Variants in NT5C3A observed in about 807,000 individuals in gnomAD.
NT5C3A encodes the protein cytosolic 5'-nucleotidase 3A.
A neutral mutation model predicts 40.0 loss-of-function variants in NT5C3A; 23 were observed. The ratio of observed to expected loss-of-function variants is 0.58; its 90% CI spans 0.41 to 0.81. NT5C3A has a LOEUF of 0.81. Ranked by LOEUF, NT5C3A falls within the 40% of genes least tolerant of loss-of-function variation. The pLI is 0.00. For missense variants in NT5C3A, 328 were observed against 403.0 expected (o/e 0.81, Z 1.59); for synonymous variants, 130 against 141.4 (o/e 0.92, Z 0.57).
chr7:33,037,869 C>T (rs1786694824), intron 1 of NT5C3A, among the ~76,000 whole-genome samples: 2 of 152,196 alleles, frequency 1.3e-5, no homozygotes, highest in African/African-American at 2.4e-5. Context: ...AACATTTGAT[C>T]ACCACCCTCA....
At chr7:33,051,837 T>C (rs1340753143) in intron 1 of NT5C3A, among the ~76,000 whole-genome samples, 1 of 152,214 alleles carries the variant, frequency 6.6e-6, no homozygotes. Context: ...AAATTGCAAA[T>C]ATCTTATACT....
intron 1 of NT5C3A, among the ~76,000 whole-genome samples, chr7:33,051,608 G>T (rs1787371673): frequency 6.6e-6 from 1 of 152,080 alleles, no homozygotes; most frequent in Non-Finnish European, 1.5e-5. Flanking sequence ...TTTCACCTCT[G>T]CAATCCATCT....
rs758683421 is a variant in NT5C3A at position 33,062,591 on chromosome 7, G to T, written c.115C>A (p.Arg39=). The change falls in exon 1 of 9, where the codon CGG becomes AGG. Residue 39 remains arginine (R), a synonymous_variant. Coordinates refer to ENST00000610140, the MANE Select transcript of NT5C3A (RefSeq NM_001002010.5). The part of the protein sequence containing the change: ...YIFTLKRKTG[R]KTKIIEMMPE... ...ACCATCTCGATGATCTTGGTCTTCCGCCCCGTCTTCCTCTTCAAGGTGAAT... is the reference window on the plus strand; with the variant it reads ...ACCATCTCGATGATCTTGGTCTTCCTCCCCGTCTTCCTCTTCAAGGTGAAT... 5.0e-6 allele frequency: 8 copies of T among 1,609,972 alleles called. No homozygotes were observed. Among genetic ancestry groups the T allele is most frequent in the Non-Finnish European group, 6.8e-6 (8 of 1,178,932 alleles).
At chr7:33,055,287 T>C (rs1787526569) in intron 1 of NT5C3A, among the ~76,000 whole-genome samples, 1 of 151,546 alleles carries the variant, frequency 6.6e-6, no homozygotes, top group Non-Finnish European at 1.5e-5. Flanking sequence ...ATCATGCTAC[T>C]GCGCTCCAGC....
At chr7:33,062,098 G>C (rs377040615) in intron 1 of NT5C3A, among the ~76,000 whole-genome samples, 3 of 151,944 alleles carry the variant, frequency 2.0e-5, no homozygotes, top group African/African-American at 7.3e-5. Flanking sequence ...TCTAACTCAC[G>C]GCAGCCCCAA....
intron 1 of NT5C3A, among the ~76,000 whole-genome samples, chr7:33,058,818 C>T (rs980819336): frequency 2.6e-5 from 4 of 152,186 alleles, no homozygotes; most frequent in Non-Finnish European, 4.4e-5. Context: ...ACTTCTGTGC[C>T]AACCATTCGA....
At chr7:33,044,994 C>G (rs1787087763) in intron 1 of NT5C3A, among the ~76,000 whole-genome samples, 1 of 152,048 alleles carries the variant, frequency 6.6e-6, no homozygotes, top group Non-Finnish European at 1.5e-5. Context: ...ATTTTTACTT[C>G]TCAACAATAC....
intron 1 of NT5C3A, among the ~76,000 whole-genome samples, chr7:33,054,351 C>T (rs1304570268): frequency 1.1e-5 from 1 of 89,470 alleles, no homozygotes; most frequent in East Asian, 3.2e-4. Context: ...AAGACCCTGC[C>T]TCAAAAAAAA....
At chr7:33,040,566 G>A (rs1786863696) in intron 1 of NT5C3A, among the ~76,000 whole-genome samples, 1 of 152,128 alleles carries the variant, frequency 6.6e-6, no homozygotes. Flanking sequence ...ATCTTAGAGT[G>A]TTTCCCCTCA....
At chr7:33,024,837 C>T (rs983372159) in intron 2 of NT5C3A, among the ~76,000 whole-genome samples, 30 of 151,972 alleles carry the variant, frequency 2.0e-4, no homozygotes, top group African/African-American at 7.2e-4. Flanking sequence ...TATGTATCGA[C>T]TTTAAAAATT....
In NT5C3A at chr7:33,017,222, T is replaced by C. The variant is rs1030361713; in HGVS notation, c.693+217A>G. 9.5e-6 allele frequency: 5 copies of C among 526,110 alleles called. No homozygotes were observed. In the African/African-American group the frequency reaches 9.8e-5, roughly 10 times the overall value. The allele number at this position is 526,110 out of a possible 1,614,324, so 32.6% of individuals were successfully genotyped here. On this transcript the variant is annotated intron_variant, in intron 7 of 8. Coordinates refer to ENST00000610140, the MANE Select transcript of NT5C3A (RefSeq NM_001002010.5). ...AAAAGAAGAAGTTTTACTACTTTTA[T>C]TATTAGTCTATAGCTTGGGGAATGA...
chr7:33,053,195 G>GT (rs910080071), intron 1 of NT5C3A, among the ~76,000 whole-genome samples: 10 of 151,782 alleles, frequency 6.6e-5, no homozygotes, highest in Admixed American at 1.3e-4. Flanking sequence ...TTTTGTTTTT[G>GT]TTTTTTTTCG....
intron 1 of NT5C3A, among the ~76,000 whole-genome samples, chr7:33,048,221 T>G (rs1787232526): frequency 6.6e-6 from 1 of 151,758 alleles, no homozygotes; most frequent in Non-Finnish European, 1.5e-5. Flanking sequence ...TGTATTTGAT[T>G]TTTAGTAGAG....
intron 1 of NT5C3A, among the ~76,000 whole-genome samples, chr7:33,041,495 A>G (rs2128010268): frequency 6.6e-6 from 1 of 152,254 alleles, no homozygotes; most frequent in African/African-American, 2.4e-5. Flanking sequence ...ACCACTATTA[A>G]AAAAAAGATT....
chr7:33,022,466 A>G (rs956955326), intron 3 of NT5C3A, among the ~76,000 whole-genome samples: 1 of 152,350 alleles, frequency 6.6e-6, no homozygotes, highest in East Asian at 1.9e-4. Context: ...TTTCGTAATA[A>G]AAAGATAATA....
At chr7:33,020,523 C>T (rs1292194199) in intron 5 of NT5C3A, among the ~76,000 whole-genome samples, 1 of 152,170 alleles carries the variant, frequency 6.6e-6, no homozygotes, top group Admixed American at 6.5e-5. Context: ...AGTTCTGCTG[C>T]TACCAGTTTG....
chr7:33,041,238 T>A, intron 1 of NT5C3A: 1 of 573,558 alleles, frequency 1.7e-6, no homozygotes, highest in Non-Finnish European at 2.2e-6. Flanking sequence ...AGTGTACTTC[T>A]GATATGTGAA....
At chr7:33,025,377 A>C (rs539740474) in intron 2 of NT5C3A, among the ~76,000 whole-genome samples, 1 of 152,338 alleles carries the variant, frequency 6.6e-6, no homozygotes, top group East Asian at 1.9e-4. Context: ...CCAATGAATG[A>C]ATGCACATTG....
chr7:33,036,252 T>C, intron 1 of NT5C3A: 3 of 455,444 alleles, frequency 6.6e-6, no homozygotes, highest in South Asian at 2.2e-5. Flanking sequence ...TGCATACTGA[T>C]GGAAACACCG....
Sources: gnomAD v4.1 joint callset for allele counts (sites outside exome capture counted in the v4.1 genomes callset) on GRCh38, gnomAD v4.1.1 for gene constraint, MANE v1.5 for transcripts, NCBI Gene and HGNC (gene_info 2026-07-23, HGNC 2026-07-21) for gene names.